NALF1: variants seen among roughly 807,000 people sequenced by gnomAD.
NALF1 encodes NALCN channel auxiliary factor 1, also known as family with sequence similarity 155 member A.
NALF1 carries 3 observed loss-of-function variants against 48.4 expected under a neutral mutation model. The observed-to-expected ratio is 0.06, with a 90% CI of 0.03 to 0.16. The LOEUF is 0.16. Among genes scored for constraint, NALF1 ranks in the 10% least tolerant of loss-of-function variants. The pLI, the probability that NALF1 is intolerant of heterozygous loss-of-function variation, is 1.00. For synonymous variants in NALF1, 262 were observed against 245.7 expected (o/e 1.07, Z -0.62); for missense variants, 526 against 571.5 (o/e 0.92, Z 0.81).
At chr13:107,742,530 GC>G (rs1390684706) in intron 1 of NALF1, among the ~76,000 whole-genome samples, 1 of 152,086 alleles carries the variant, frequency 6.6e-6, no homozygotes, top group African/African-American at 2.4e-5. Flanking sequence ...TTACCTTCCT[GC>G]CGCCATGAGA....
intron 1 of NALF1, among the ~76,000 whole-genome samples, chr13:107,288,178 T>A (rs1020142566): frequency 6.6e-6 from 1 of 152,020 alleles, no homozygotes; most frequent in African/African-American, 2.4e-5. Flanking sequence ...TAATAGAAGA[T>A]TAGTTTTGTC....
intron 1 of NALF1, among the ~76,000 whole-genome samples, chr13:107,702,971 C>T (rs1371017183): frequency 6.6e-6 from 1 of 152,096 alleles, no homozygotes; most frequent in Non-Finnish European, 1.5e-5. Flanking sequence ...GTTGGTTTCA[C>T]GTCTTTGCTA....
At chr13:107,673,446 G>A (rs995341400) in intron 1 of NALF1, among the ~76,000 whole-genome samples, 1 of 152,132 alleles carries the variant, frequency 6.6e-6, no homozygotes, top group Non-Finnish European at 1.5e-5. Flanking sequence ...TCAACTTGAC[G>A]ATATGGTGCT....
chr13:107,742,812 A>G (rs1313232481), intron 1 of NALF1, among the ~76,000 whole-genome samples: 27 of 152,330 alleles, frequency 1.8e-4, no homozygotes, highest in African/African-American at 6.5e-4. Context: ...CACAACCCCC[A>G]GCAGAGGGTC....
chr13:107,329,373 C>A (rs1882424692), intron 1 of NALF1, among the ~76,000 whole-genome samples: 1 of 152,066 alleles, frequency 6.6e-6, no homozygotes, highest in South Asian at 2.1e-4. Context: ...TAAGTCATGG[C>A]AATCTGATCT....
At chr13:107,802,781 G>C (rs79214423) in intron 1 of NALF1, among the ~76,000 whole-genome samples, 4,191 of 152,060 alleles carry the variant, frequency 0.028, 186 homozygotes, top group African/African-American at 0.095. Context: ...GCTGAACGTG[G>C]TAGACAGAAT....
intron 1 of NALF1, among the ~76,000 whole-genome samples, chr13:107,688,963 G>C (rs556024683): frequency 6.6e-6 from 1 of 152,184 alleles, no homozygotes. Flanking sequence ...AGAAGCAGGA[G>C]GGCACATTTT....
chr13:107,552,136 T>G (rs886077137), intron 1 of NALF1, among the ~76,000 whole-genome samples: 1 of 152,126 alleles, frequency 6.6e-6, no homozygotes, highest in African/African-American at 2.4e-5. Flanking sequence ...TCAAGCTGCA[T>G]TATATGAGTT....
intron 1 of NALF1, among the ~76,000 whole-genome samples, chr13:107,613,298 C>T (rs1390911396): frequency 6.6e-6 from 1 of 152,184 alleles, no homozygotes; most frequent in Non-Finnish European, 1.5e-5. Flanking sequence ...TTTCTTACTA[C>T]TGAAAACATT....
intron 1 of NALF1, among the ~76,000 whole-genome samples, chr13:107,481,689 G>T (rs767334587): frequency 3.3e-4 from 50 of 152,082 alleles, no homozygotes; most frequent in Non-Finnish European, 5.6e-4. Context: ...CCAAGGGGGA[G>T]GAGTGTGTGA....
At chr13:107,359,475 A>T (rs1327854854) in intron 1 of NALF1, among the ~76,000 whole-genome samples, 2 of 152,128 alleles carry the variant, frequency 1.3e-5, no homozygotes, top group African/African-American at 4.8e-5. Context: ...ACAAAAACTG[A>T]ATATGCTTTT....
chr13:107,388,259 A>T (rs4397971), intron 1 of NALF1, among the ~76,000 whole-genome samples: 56,528 of 152,124 alleles, frequency 0.37, 10,658 homozygotes, highest in Middle Eastern at 0.44. Context: ...AAAGCTATCA[A>T]GTATTTGTTA....
At chr13:107,541,582 T>G (rs1566385509) in intron 1 of NALF1, among the ~76,000 whole-genome samples, 1 of 152,130 alleles carries the variant, frequency 6.6e-6, no homozygotes, top group Non-Finnish European at 1.5e-5. Context: ...ATACTGACTT[T>G]AAATGCATAT....
chr13:107,356,904 T>A, intron 1 of NALF1, among the ~76,000 whole-genome samples: 1 of 152,210 alleles, frequency 6.6e-6, no homozygotes, highest in East Asian at 1.9e-4. Context: ...AAAACAAATG[T>A]CAACCATACA....
At chr13:107,368,598 G>T (rs966304521) in intron 1 of NALF1, among the ~76,000 whole-genome samples, 1 of 152,186 alleles carries the variant, frequency 6.6e-6, no homozygotes. Flanking sequence ...TCGGCTTGCA[G>T]CCACTTCACT....
intron 1 of NALF1, among the ~76,000 whole-genome samples, chr13:107,423,961 G>C (rs1256533493): frequency 6.6e-6 from 1 of 152,068 alleles, no homozygotes; most frequent in Non-Finnish European, 1.5e-5. Flanking sequence ...TGCTTGGGAT[G>C]ATGTGTTTCA....
chr13:107,195,194 C>T (rs923253842), intron 2 of NALF1, among the ~76,000 whole-genome samples: 24 of 151,966 alleles, frequency 1.6e-4, no homozygotes, highest in African/African-American at 5.3e-4. Flanking sequence ...ACTCAAGTGA[C>T]GGGTGCAGTA....
chr13:107,741,136 AAT>A (rs1415617856), intron 1 of NALF1, among the ~76,000 whole-genome samples: 1 of 152,170 alleles, frequency 6.6e-6, no homozygotes, highest in African/African-American at 2.4e-5. Flanking sequence ...AATTTGTGAA[AAT>A]ATGTCTGGGC....
At chr13:107,456,638 C>T (rs1566350118) in intron 1 of NALF1, among the ~76,000 whole-genome samples, 2 of 152,302 alleles carry the variant, frequency 1.3e-5, no homozygotes, top group Middle Eastern at 6.8e-3. Flanking sequence ...GTGCTGCCAA[C>T]ACTCTGACCT....
Sources: allele counts gnomAD v4.1 joint callset (sites outside exome capture counted in the v4.1 genomes callset), GRCh38; gene constraint gnomAD v4.1.1; transcripts MANE v1.5; gene names NCBI Gene and HGNC (gene_info 2026-07-23, HGNC 2026-07-21).